CSMD1: variants seen among roughly 807,000 people sequenced by gnomAD.
The protein encoded by CSMD1 is CUB and sushi domain-containing protein 1.
A neutral mutation model predicts 417.5 loss-of-function variants in CSMD1; 213 were observed. The ratio of observed to expected loss-of-function variants is 0.51; its 90% CI spans 0.46 to 0.57. The LOEUF (loss-of-function observed/expected upper bound fraction) is 0.57. CSMD1 is among the 20% of genes least tolerant of loss of function. The pLI, the probability that CSMD1 is intolerant of heterozygous loss-of-function variation, is 0.00. For synonymous variants in CSMD1, 2,862 were observed against 1,736.8 expected (o/e 1.65, Z -16.11); for missense variants, 6,923 against 4,529.7 (o/e 1.53, Z -15.17).
rs750715720 is a variant in CSMD1, at chr8:3,284,236, G to A, written c.4061C>T (p.Pro1354Leu). ...LLKEWSGSAL[P>L]EDIHSTFNSL... is the part of the protein sequence containing the mutation. ...GTTGAAGGTGCTGTGGATGTCCTCC[G>A]GAAGGGCGGAGCCACTCCACTCCTT... Residue 1354 changes from proline to leucine, a missense_variant, in exon 26 of 70, where the codon CCG (proline) becomes CTG (leucine). Coordinates refer to ENST00000635120, the MANE Select transcript of CSMD1 (RefSeq NM_033225.6). The A allele has an allele frequency of 1.9e-6, 3 of 1,613,426 alleles. No homozygotes were observed. The highest frequency in any genetic ancestry group is 2.5e-6 in the Non-Finnish European group (3 of 1,179,680).
intron 2 of CSMD1, among the ~76,000 whole-genome samples, chr8:4,633,143 G>C (rs549993799): frequency 1.3e-5 from 2 of 152,160 alleles, no homozygotes; most frequent in South Asian, 4.1e-4. Context: ...CTATGTGAAC[G>C]CTCAGGACAG....
intron 2 of CSMD1, among the ~76,000 whole-genome samples, chr8:4,548,149 T>A (rs753002070): frequency 0.019 from 2,858 of 152,216 alleles, 98 homozygotes; most frequent in African/African-American, 0.066. Flanking sequence ...TGGTACCGAA[T>A]GTCTAGGATT....
At chr8:4,349,162 T>G (rs1800944325) in intron 3 of CSMD1, among the ~76,000 whole-genome samples, 1 of 152,210 alleles carries the variant, frequency 6.6e-6, no homozygotes, top group Non-Finnish European at 1.5e-5. Context: ...ATATGTGCTT[T>G]TGGTGTAATT....
At chr8:3,830,148 T>C (rs1802291039) in intron 5 of CSMD1, among the ~76,000 whole-genome samples, 2 of 152,198 alleles carry the variant, frequency 1.3e-5, no homozygotes, top group Non-Finnish European at 1.5e-5. Flanking sequence ...TTTCATACTA[T>C]ATGCTCCAGA....
chr8:3,483,245 A>G (rs1442495459), intron 11 of CSMD1, among the ~76,000 whole-genome samples: 1 of 152,138 alleles, frequency 6.6e-6, no homozygotes, highest in Non-Finnish European at 1.5e-5. Context: ...AGAAAAAGAG[A>G]AAGGGAGAGA....
chr8:4,938,484 C>CA (rs1807768401), intron 1 of CSMD1, among the ~76,000 whole-genome samples: 3 of 152,090 alleles, frequency 2.0e-5, no homozygotes, highest in African/African-American at 7.2e-5. Context: ...AATGGTTTGA[C>CA]AAAAAACTGA....
At chr8:4,186,888 C>G (rs1367575904) in intron 3 of CSMD1, among the ~76,000 whole-genome samples, 2 of 151,344 alleles carry the variant, frequency 1.3e-5, no homozygotes, top group African/African-American at 2.4e-5. Flanking sequence ...CCCAGCTACT[C>G]GGGAGGCTGA....
chr8:3,792,115 G>C (rs556960947), intron 5 of CSMD1, among the ~76,000 whole-genome samples: 3 of 152,174 alleles, frequency 2.0e-5, no homozygotes, highest in South Asian at 2.1e-4. Context: ...GCCAAATAGG[G>C]AGACCCTGTC....
chr8:3,605,862 C>A (rs986933586), intron 8 of CSMD1, among the ~76,000 whole-genome samples: 24 of 152,192 alleles, frequency 1.6e-4, no homozygotes, highest in Non-Finnish European at 5.9e-5. Flanking sequence ...CTCTGATGAG[C>A]AGTGCTTAAC....
chr8:3,572,860 G>C (rs894772210), intron 10 of CSMD1, among the ~76,000 whole-genome samples: 1 of 152,222 alleles, frequency 6.6e-6, no homozygotes, highest in Admixed American at 6.5e-5. Flanking sequence ...CCTCTGTAAA[G>C]TTCTACTATC....
chr8:3,774,443 C>G (rs972274955), intron 5 of CSMD1, among the ~76,000 whole-genome samples: 3 of 152,194 alleles, frequency 2.0e-5, no homozygotes, highest in Non-Finnish European at 4.4e-5. Context: ...TATCTCCATG[C>G]TGCCTAATGT....
intron 5 of CSMD1, among the ~76,000 whole-genome samples, chr8:3,771,484 C>A (rs1452532912): frequency 2.6e-5 from 4 of 152,184 alleles, no homozygotes; most frequent in African/African-American, 9.7e-5. Context: ...CAGGCCAATT[C>A]TCAAGCTCTC....
At chr8:4,323,078 G>C (rs963128413) in intron 3 of CSMD1, among the ~76,000 whole-genome samples, 1 of 146,184 alleles carries the variant, frequency 6.8e-6, no homozygotes, top group Non-Finnish European at 1.5e-5. Context: ...GAGTTAAGCA[G>C]CGAAGGAATG....
intron 5 of CSMD1, among the ~76,000 whole-genome samples, chr8:3,764,490 G>C (rs1219955563): frequency 6.6e-6 from 1 of 152,170 alleles, no homozygotes; most frequent in African/African-American, 2.4e-5. Context: ...CAATCTTTGA[G>C]AGCAGAGTAG....
At chr8:4,194,778 C>T (rs73658468) in intron 3 of CSMD1, among the ~76,000 whole-genome samples, 1 of 151,946 alleles carries the variant, frequency 6.6e-6, no homozygotes, top group Non-Finnish European at 1.5e-5. Context: ...ATAAAACATT[C>T]ACAACCTTCA....
intron 1 of CSMD1, among the ~76,000 whole-genome samples, chr8:4,860,423 A>G (rs1802061416): frequency 1.3e-5 from 2 of 151,538 alleles, no homozygotes; most frequent in South Asian, 2.1e-4. Flanking sequence ...AAAAAAAAAA[A>G]GTGTGTGCCA....
intron 2 of CSMD1, among the ~76,000 whole-genome samples, chr8:4,503,371 AC>A (rs1192473172): frequency 1.3e-5 from 2 of 152,148 alleles, no homozygotes; most frequent in Non-Finnish European, 2.9e-5. Context: ...ATCATACTCA[AC>A]TTTTGCTCAA....
intron 3 of CSMD1, among the ~76,000 whole-genome samples, chr8:4,375,766 T>G (rs975517346): frequency 6.6e-6 from 1 of 152,190 alleles, no homozygotes; most frequent in East Asian, 1.9e-4. Context: ...CCTGTCTTTG[T>G]ACAGTGATTT....
At chr8:4,724,055 C>A (rs1169967809) in intron 1 of CSMD1, among the ~76,000 whole-genome samples, 1 of 152,100 alleles carries the variant, frequency 6.6e-6, no homozygotes, top group African/African-American at 2.4e-5. Context: ...TCTTCTAGTA[C>A]TGAAAATAGT....
Sources: gnomAD v4.1 joint callset for allele counts (sites outside exome capture counted in the v4.1 genomes callset) on GRCh38, gnomAD v4.1.1 for gene constraint, MANE v1.5 for transcripts, NCBI Gene and HGNC (gene_info 2026-07-23, HGNC 2026-07-21) for gene names.